Variants in IFTAP observed in about 807,000 individuals in gnomAD.
IFTAP encodes the protein intraflagellar transport associated protein.
Under a neutral mutation model 19.4 loss-of-function variants are expected in IFTAP, and 19 were observed. That is an observed-to-expected ratio of 0.98 (90% CI 0.68 to 1.44). The LOEUF (loss-of-function observed/expected upper bound fraction) is 1.44. Among genes scored for constraint, IFTAP ranks in the 40% most tolerant of loss-of-function variants. The pLI is 0.00. For synonymous variants in IFTAP, 85 were observed against 83.5 expected (o/e 1.02, Z -0.10); for missense variants, 240 against 253.6 (o/e 0.95, Z 0.36).
rs1311358859 is a variant in IFTAP, at chr11:36,611,081, GC to G, written c.136+845del. Among the ~76,000 whole-genome samples the G allele has an allele frequency of 5.9e-5, 9 of 151,998 alleles. No individual in the cohort carries two copies. In the East Asian group the frequency reaches 1.7e-3, roughly 29 times the overall value. On this transcript the variant is annotated intron_variant, in intron 2 of 5. Transcript: ENST00000334307. ...TATCAACTAGAGCTCAGGAGCCCTT[GC>G]CCAGTGAGCTCCTTAGTTTGTCACG...
At chr11:36,614,109 C>T (rs989664887) in intron 2 of IFTAP, among the ~76,000 whole-genome samples, 10 of 150,602 alleles carry the variant, frequency 6.6e-5, no homozygotes, top group African/African-American at 2.2e-4. Flanking sequence ...TGATATTCCC[C>T]TTCCTGTGTC....
rs555078048 is a variant in IFTAP, at chr11:36,616,126, C to T, written c.136+5887C>T. 2.0e-5 allele frequency among the ~76,000 whole-genome samples: 3 copies of T among 152,070 alleles called. No homozygotes were observed. The East Asian group carries it at 5.8e-4, about 29-fold the overall frequency. On this transcript the variant is annotated intron_variant, in intron 2 of 5. Transcript: ENST00000334307. The stretch of plus-strand genomic sequence containing the variant: ...GACATACGGTAACTGTCGGGAGTTA[C>T]AGTAGTTATTTCCAAATCTCTCTTT...
intron 1 of IFTAP, among the ~76,000 whole-genome samples, chr11:36,596,212 TTTTTTTTTTG>T (rs996353697): frequency 8.0e-6 from 1 of 125,698 alleles, no homozygotes; most frequent in African/African-American, 3.4e-5. Context: ...GATGGTAGTG[TTTTTTTTTTG>T]TTTTTTTTTT....
In IFTAP at chr11:36,643,095, A is replaced by G. The variant is rs368150779; in HGVS notation, c.359-4921A>G. Among the ~76,000 whole-genome samples, 11 of 152,362 alleles carry G rather than the reference A, an allele frequency of 7.2e-5. No individual in the cohort carries two copies. The East Asian group carries it at 1.9e-3, about 27-fold the overall frequency. On this transcript the variant is annotated intron_variant, in intron 4 of 5. Transcript: ENST00000334307. ...CCCTGTTTGCAGATGATATGATTGTATATTTAGAAAACCCCATCATCTCAG... is the reference window on the plus strand; with the variant it reads ...CCCTGTTTGCAGATGATATGATTGTGTATTTAGAAAACCCCATCATCTCAG...
At position 36,633,451 on chromosome 11, in the gene IFTAP, T is replaced by C; in HGVS notation, c.291+13T>C. 1 of 1,537,884 alleles carries C rather than the reference T, an allele frequency of 6.5e-7. No homozygotes were observed. The highest frequency in any genetic ancestry group is 8.7e-7 in the Non-Finnish European group (1 of 1,145,052). ...TTTGGAAGAACAGGTAATACCAACA[T>C]AGTACATGTATAGAAACAATCTCAG... is the stretch of plus-strand genomic sequence containing the variant. On this transcript the variant is annotated intron_variant, in intron 3 of 5. Transcript: ENST00000334307.
chr11:36,622,090 AT>A (rs34399300), intron 2 of IFTAP, among the ~76,000 whole-genome samples: 45 of 111,206 alleles, frequency 4.0e-4, no homozygotes, highest in South Asian at 7.5e-4. Context: ...TCTATTTTTT[AT>A]TTTTTTTTTT....
rs1853929622 is a variant in IFTAP at position 36,655,310 on chromosome 11, G to A, written c.499-3709G>A. On this transcript the variant is annotated intron_variant, in intron 5 of 5. Transcript: ENST00000334307. ...GTAAACTAATGTTTACCCTTTAAGA[G>A]TCAGCTCAGATATCACCTGTTCCAA... Among the ~76,000 whole-genome samples, 3 of 152,108 alleles carry A rather than the reference G, an allele frequency of 2.0e-5. No homozygotes were observed. In the South Asian group the frequency reaches 6.2e-4, roughly 31 times the overall value.
intron 2 of IFTAP, among the ~76,000 whole-genome samples, chr11:36,626,173 G>A (rs1351819074): frequency 1.3e-5 from 2 of 151,136 alleles, no homozygotes; most frequent in East Asian, 3.9e-4. Flanking sequence ...TGGAAATGCT[G>A]GTTCAAAAAT....
At chr11:36,636,494 TAAA>T (rs1852957671) in intron 4 of IFTAP, among the ~76,000 whole-genome samples, 1 of 152,146 alleles carries the variant, frequency 6.6e-6, no homozygotes, top group South Asian at 2.1e-4. Flanking sequence ...ATAAAAATCA[TAAA>T]AATATCAGAA....
At chr11:36,643,396 T>A (rs995358584) in intron 4 of IFTAP, among the ~76,000 whole-genome samples, 3 of 152,136 alleles carry the variant, frequency 2.0e-5, no homozygotes, top group African/African-American at 7.2e-5. Flanking sequence ...ATAGGAAGAA[T>A]CAATATCATG....
chr11:36,628,656 A>AT (rs1029458701), intron 2 of IFTAP, among the ~76,000 whole-genome samples: 2 of 150,718 alleles, frequency 1.3e-5, no homozygotes, highest in African/African-American at 5.0e-5. Flanking sequence ...ACCACACAGA[A>AT]TTTTTTTTTC....
chr11:36,657,148 TCTC>T (rs1854025562), intron 5 of IFTAP, among the ~76,000 whole-genome samples: 1 of 152,140 alleles, frequency 6.6e-6, no homozygotes, highest in East Asian at 1.9e-4. Flanking sequence ...GGAAACAGGT[TCTC>T]CTCCTTATGT....
chr11:36,654,053 C>T (rs577064344), intron 5 of IFTAP, among the ~76,000 whole-genome samples: 1 of 152,120 alleles, frequency 6.6e-6, no homozygotes, highest in Non-Finnish European at 1.5e-5. Flanking sequence ...TTGGACCCCT[C>T]TTTGGTTACT....
chr11:36,646,104 T>C lies in IFTAP; in HGVS notation c.359-1912T>C, dbSNP rs77624831. 7.8e-3 allele frequency among the ~76,000 whole-genome samples: 1,189 copies of C among 152,290 alleles called. 10 individuals carry two copies. The highest frequency in any genetic ancestry group is 0.013 in the Non-Finnish European group (858 of 68,012). On this transcript the variant is annotated intron_variant, in intron 4 of 5. Coordinates refer to ENST00000334307, the MANE Select transcript of IFTAP (RefSeq NM_138787.4). ...AGTAGAATTATTATGAAAGAAACCA[T>C]TTTTGTTGAAAATCCTACCTTGGCA...
At position 36,644,103 on chromosome 11, in the gene IFTAP, A is replaced by C. The variant is rs187369903; in HGVS notation, c.359-3913A>C. ...AAAATGTTTGCAATCTACTCAACTG[A>C]CAAAGGGCTAATATCCAGAATCTAT... On this transcript the variant is annotated intron_variant, in intron 4 of 5. Transcript: ENST00000334307. 2.6e-3 allele frequency among the ~76,000 whole-genome samples: 403 copies of C among 152,364 alleles called. 3 individuals carry two copies. The highest frequency in any genetic ancestry group is 0.022 in the Admixed American group (341 of 15,306).
rs1314239215 is a variant in IFTAP at position 36,648,167 on chromosome 11, G to A, written c.498+12G>A. On this transcript the variant is annotated intron_variant, in intron 5 of 5. Coordinates refer to ENST00000334307, the MANE Select transcript of IFTAP (RefSeq NM_138787.4). ...AACAGACGGAAGAGGTACTCCACAG[G>A]GAATTCAGTCATTCTCCACACTGCC... 6.2e-7 allele frequency: 1 copy of A among 1,610,640 alleles called. No homozygotes were observed. Among genetic ancestry groups the A allele is most frequent in the South Asian group, 1.1e-5 (1 of 90,474 alleles).
intron 2 of IFTAP, among the ~76,000 whole-genome samples, chr11:36,631,404 A>T (rs1274329425): frequency 6.6e-6 from 1 of 151,292 alleles, no homozygotes; most frequent in Non-Finnish European, 1.5e-5. Context: ...AGATTAGGTC[A>T]CCTTATCTCT....
chr11:36,640,675 C>T (rs530376355), intron 4 of IFTAP, among the ~76,000 whole-genome samples: 6 of 152,074 alleles, frequency 3.9e-5, no homozygotes, highest in East Asian at 1.9e-4. Context: ...ATGGATCAAG[C>T]GAAAATTAGA....
intron 2 of IFTAP, among the ~76,000 whole-genome samples, chr11:36,616,348 G>T (rs1852088928): frequency 1.3e-5 from 2 of 151,708 alleles, no homozygotes; most frequent in South Asian, 4.2e-4. Flanking sequence ...CATTTCACTT[G>T]CAATGCTTTG....
Sources: allele counts gnomAD v4.1 joint callset (sites outside exome capture counted in the v4.1 genomes callset), GRCh38; gene constraint gnomAD v4.1.1; transcripts MANE v1.5; gene names NCBI Gene and HGNC (gene_info 2026-07-23, HGNC 2026-07-21).